The following FKBP11 variants were observed in gnomAD, a reference collection of about 807,000 sequenced individuals.
The protein encoded by FKBP11 is peptidyl-prolyl cis-trans isomerase FKBP11.
FKBP11 carries 21 observed loss-of-function variants against 24.7 expected under a neutral mutation model. The ratio of observed to expected loss-of-function variants is 0.85; its 90% confidence interval spans 0.60 to 1.23. FKBP11 has a LOEUF of 1.23. FKBP11 is among the 50% of genes most tolerant of loss of function. FKBP11 has a pLI of 0.00. For missense variants in FKBP11, 245 were observed against 248.7 expected, an observed-to-expected ratio of 0.99 and a Z score of 0.10; for synonymous variants, 106 against 100.6, an observed-to-expected ratio of 1.05 and a Z score of -0.32.
intron 4 of FKBP11, 152 bp downstream of exon 4, chr12:48,924,071 G>A (rs1221692520): frequency 9.4e-6 from 9 of 959,136 alleles, no homozygotes; most frequent in Non-Finnish European, 8.3e-6. Context: ...CAGAGGCTTT[G>A]AATGCCCTCA....
intron 5 of FKBP11, chr12:48,922,632 T>G (rs1301582876): frequency 2.0e-6 from 2 of 995,118 alleles, no homozygotes; most frequent in African/African-American, 3.5e-5. Context: ...ACATTCAACG[T>G]GATTATGAGA....
intron 1 of FKBP11, 53 bp downstream of exon 1, chr12:48,925,246 AC>A: frequency 6.3e-7 from 1 of 1,598,828 alleles, no homozygotes; most frequent in Non-Finnish European, 8.5e-7. Context: ...CCCCAGTATT[AC>A]CACCCAACAA....
chr12:48,925,410 G>T lies in FKBP11; in HGVS notation c.19C>A (p.Leu7Ile), dbSNP rs374838023. 1.3e-4 allele frequency: 203 copies of T among 1,577,534 alleles called. No homozygotes were observed. Among genetic ancestry groups the T allele is most frequent in the Non-Finnish European group, 1.7e-4 (195 of 1,162,776 alleles). Residue 7 changes from leucine to isoleucine, a missense_variant, in exon 1 of 6, where the codon CTC becomes ATC. Transcript: ENST00000550765. MTLRPS[L>I]LPLHLLLLLL... Reference sequence around the variant, plus strand: ...AGCAGCAGCAGATGGAGCGGGAGGAGTGAGGGGCGCAGGGTCATGACTGGG... The same window carrying T: ...AGCAGCAGCAGATGGAGCGGGAGGATTGAGGGGCGCAGGGTCATGACTGGG...
chr12:48,924,067 C>T (rs1433783081), intron 4 of FKBP11, 156 bp downstream of exon 4: 5 of 940,074 alleles, frequency 5.3e-6, no homozygotes, highest in Non-Finnish European at 8.5e-6. Flanking sequence ...GGCACAGAGG[C>T]TTTGAATGCC....
At chr12:48,938,370 A>G in the FKBP11 span, 1 of 454,324 alleles carries the variant, frequency 2.2e-6, no homozygotes. Flanking sequence ...GGGGCAGATG[A>G]CAGGCTCCAG....
chr12:48,937,334 G>C, the FKBP11 span: 1 of 152,356 alleles, frequency 6.6e-6, no homozygotes, highest in East Asian at 1.9e-4. Flanking sequence ...CAGCTGTCTC[G>C]GAGCTCAGGG....
chr12:48,924,751 C>T (rs1939919192), intron 2 of FKBP11, 103 bp from the exon 3 acceptor site: 4 of 1,545,618 alleles, frequency 2.6e-6, no homozygotes, highest in East Asian at 2.3e-5. Flanking sequence ...CCCCTTAGTG[C>T]GGCAGCCTAG....
the FKBP11 span, among the ~76,000 whole-genome samples, chr12:48,935,018 CA>C: frequency 0.26 from 22,795 of 87,408 alleles, 2,093 homozygotes; most frequent in East Asian, 0.48. Flanking sequence ...AATTCCGTCT[CA>C]AAAAAAAAAA....
At chr12:48,931,558 C>A in the FKBP11 span, 1 of 1,186,430 alleles carries the variant, frequency 8.4e-7, no homozygotes, top group Non-Finnish European at 1.2e-6. Context: ...GGAGATACAA[C>A]TTAATCACAG....
At chr12:48,932,695 C>A in the FKBP11 span, among the ~76,000 whole-genome samples, 1 of 152,042 alleles carries the variant, frequency 6.6e-6, no homozygotes, top group South Asian at 2.1e-4. Context: ...CCAAGCTAAG[C>A]CCTCCAAGCC....
Position 48,925,216 on chromosome 12 carries a change from G to A in FKBP11, c.129+84C>T, listed in dbSNP as rs540792153. ...CAGTTCCCGCACTTCCTCTCCTCCC[G>A]GCTCCCAGGTTCGCTGAGACCCCAG... On this transcript the variant is annotated intron_variant, in intron 1 of 5. Coordinates refer to ENST00000550765, the MANE Select transcript of FKBP11 (RefSeq NM_016594.3). 4.0e-5 allele frequency: 63 copies of A among 1,585,982 alleles called. No homozygotes were observed. The African/African-American group carries it at 6.8e-4, about 17-fold the overall frequency.
chr12:48,924,682 G>C, intron 2 of FKBP11, 34 bp from the exon 3 acceptor site: 2 of 1,602,222 alleles, frequency 1.2e-6, no homozygotes, highest in Non-Finnish European at 1.7e-6. Context: ...CATACATCTA[G>C]CACCCTCTCC....
upstream of FKBP11, among the ~76,000 whole-genome samples, chr12:48,927,654 G>A (rs966134758): frequency 6.6e-6 from 1 of 152,156 alleles, no homozygotes; most frequent in Non-Finnish European, 1.5e-5. Flanking sequence ...GCCCTTTAAA[G>A]AGTTAACTAG....
chr12:48,924,462 C>T (rs916191959), intron 3 of FKBP11, 99 bp downstream of exon 3: 2 of 1,247,702 alleles, frequency 1.6e-6, no homozygotes, highest in South Asian at 1.2e-5. Context: ...TAGGGTCTTA[C>T]TCATTTCAGG....
At chr12:48,925,015 AGGCCC>A in intron 2 of FKBP11, 26 bp downstream of exon 2, 31 of 1,024,848 alleles carry the variant, frequency 3.0e-5, no homozygotes, top group Non-Finnish European at 4.1e-5. Flanking sequence ...GCCCCCTCCC[AGGCCC>A]CGCCCCGGCC....
intron 4 of FKBP11, 154 bp from the exon 5 acceptor site, chr12:48,924,006 G>A (rs755701896): frequency 1.1e-5 from 10 of 894,376 alleles, no homozygotes; most frequent in Non-Finnish European, 1.7e-5. Flanking sequence ...CAGCAAAGGT[G>A]TCCATCTCCC....
chr12:48,929,297 G>T (rs1464232372), upstream of FKBP11, among the ~76,000 whole-genome samples: 2 of 151,908 alleles, frequency 1.3e-5, no homozygotes, highest in Admixed American at 1.3e-4. Context: ...ATAATTTAAC[G>T]ATTAGCTAGG....
At chr12:48,925,736 A>C (rs752895352), upstream of FKBP11, 1 of 409,390 alleles carries the variant, frequency 2.4e-6, no homozygotes, top group Non-Finnish European at 4.5e-6. Flanking sequence ...ACTGTGTGTC[A>C]GGAGCTAGTC....
At chr12:48,925,022 G>GCCCCCC in intron 2 of FKBP11, 24 bp downstream of exon 2, 1 of 818,420 alleles carries the variant, frequency 1.2e-6, no homozygotes, top group Non-Finnish European at 1.9e-6. Flanking sequence ...CCCAGGCCCC[G>GCCCCCC]CCCCGGCCCC....
Sources: allele counts gnomAD v4.1 joint callset (sites outside exome capture counted in the v4.1 genomes callset), GRCh38; gene constraint gnomAD v4.1.1; transcripts MANE v1.5; gene names NCBI Gene and HGNC (gene_info 2026-07-23, HGNC 2026-07-21).